CDH13: variants seen among roughly 807,000 people sequenced by gnomAD.
The protein encoded by CDH13 is cadherin 13, also known as cadherin-13.
Under a neutral mutation model 63.8 loss-of-function variants are expected in CDH13, and 24 were observed. That is an observed-to-expected ratio of 0.38 (90% CI 0.27 to 0.53). The LOEUF is 0.53. CDH13 is among the 20% of genes least tolerant of loss of function. CDH13 has a pLI of 0.85. For synonymous variants in CDH13, 503 were observed against 355.3 expected (o/e 1.42, Z -4.67); for missense variants, 1,049 against 903.1 (o/e 1.16, Z -2.07).
intron 7 of CDH13, among the ~76,000 whole-genome samples, chr16:83,503,160 A>T (rs2074322100): frequency 6.6e-6 from 1 of 152,238 alleles, no homozygotes; most frequent in Admixed American, 6.5e-5. Flanking sequence ...GTATAAAGTG[A>T]GGCCTTGAAT....
intron 10 of CDH13, among the ~76,000 whole-genome samples, chr16:83,708,456 C>T (rs988766268): frequency 6.6e-6 from 1 of 152,188 alleles, no homozygotes; most frequent in African/African-American, 2.4e-5. Flanking sequence ...GGCTTACTCA[C>T]CCCTCAGCAT....
intron 8 of CDH13, among the ~76,000 whole-genome samples, chr16:83,645,348 G>A (rs1362900422): frequency 7.9e-5 from 12 of 152,124 alleles, no homozygotes; most frequent in Admixed American, 7.9e-4. Flanking sequence ...TAAGCAATGG[G>A]TACACATGAA....
intron 10 of CDH13, among the ~76,000 whole-genome samples, chr16:83,688,148 C>T (rs2089831987): frequency 6.6e-6 from 1 of 152,140 alleles, no homozygotes; most frequent in East Asian, 1.9e-4. Context: ...TTCTTTAACA[C>T]CTTGTTTAAT....
At chr16:83,086,422 A>T (rs187277094) in intron 3 of CDH13, among the ~76,000 whole-genome samples, 35 of 152,278 alleles carry the variant, frequency 2.3e-4, no homozygotes, top group African/African-American at 7.9e-4. Flanking sequence ...TGGAGTTCTA[A>T]TTAAGACTCA....
intron 1 of CDH13, among the ~76,000 whole-genome samples, chr16:82,673,332 C>G (rs746402448): frequency 3.3e-5 from 5 of 152,186 alleles, no homozygotes; most frequent in Non-Finnish European, 7.3e-5. Flanking sequence ...GAGGTTCACA[C>G]TCAGTCAAGG....
At chr16:82,807,865 A>T (rs573608010) in intron 1 of CDH13, among the ~76,000 whole-genome samples, 2 of 152,218 alleles carry the variant, frequency 1.3e-5, no homozygotes, top group East Asian at 3.8e-4. Flanking sequence ...AGGCTCTTCC[A>T]TACTTAAGAC....
chr16:83,391,607 G>A (rs73597951), intron 6 of CDH13, among the ~76,000 whole-genome samples: 62,973 of 151,836 alleles, frequency 0.41, 14,642 homozygotes, highest in African/African-American at 0.66. Flanking sequence ...ATACTCTGGC[G>A]CAACCCCCCT....
At chr16:83,499,053 G>A (rs1567714151) in intron 7 of CDH13, among the ~76,000 whole-genome samples, 2 of 152,332 alleles carry the variant, frequency 1.3e-5, no homozygotes, top group South Asian at 4.1e-4. Context: ...AGTTTCTTGT[G>A]ATCAAATACG....
chr16:83,745,268 G>A (rs550887958), intron 10 of CDH13, among the ~76,000 whole-genome samples: 27 of 152,288 alleles, frequency 1.8e-4, no homozygotes, highest in Middle Eastern at 3.4e-3. Context: ...CTCTCCTGGC[G>A]TCCTTCTGCA....
At chr16:83,062,518 G>T (rs891909346) in intron 3 of CDH13, among the ~76,000 whole-genome samples, 5 of 152,114 alleles carry the variant, frequency 3.3e-5, no homozygotes, top group Admixed American at 1.3e-4. Flanking sequence ...TGGTCCCAGG[G>T]ATCATGAGAT....
At chr16:83,360,691 T>C (rs1267845302) in intron 6 of CDH13, among the ~76,000 whole-genome samples, 1 of 152,168 alleles carries the variant, frequency 6.6e-6, no homozygotes, top group Non-Finnish European at 1.5e-5. Context: ...CTCCCACTTA[T>C]AAGTGAGAAT....
chr16:83,683,885 C>T (rs1401305177), intron 10 of CDH13, among the ~76,000 whole-genome samples: 2 of 152,174 alleles, frequency 1.3e-5, no homozygotes, highest in African/African-American at 4.8e-5. Flanking sequence ...TTCTCCTCTC[C>T]AAGATCATGT....
intron 3 of CDH13, among the ~76,000 whole-genome samples, chr16:83,102,256 C>T (rs1355715358): frequency 6.6e-6 from 1 of 152,144 alleles, no homozygotes; most frequent in Non-Finnish European, 1.5e-5. Context: ...GACATTCGAC[C>T]CCAGAAATGT....
At chr16:82,727,592 A>G (rs1385397978) in intron 1 of CDH13, 1 of 152,220 alleles carries the variant, frequency 6.6e-6, no homozygotes, top group Non-Finnish European at 1.5e-5. Context: ...CATCCCATTT[A>G]GAACATGGTG....
chr16:83,154,999 A>G (rs1011873022), intron 4 of CDH13, among the ~76,000 whole-genome samples: 1 of 152,240 alleles, frequency 6.6e-6, no homozygotes, highest in African/African-American at 2.4e-5. Flanking sequence ...ACCTAGGTCA[A>G]TTATTTCATT....
At chr16:83,289,938 A>G (rs1298989244) in intron 5 of CDH13, among the ~76,000 whole-genome samples, 1 of 152,206 alleles carries the variant, frequency 6.6e-6, no homozygotes, top group Non-Finnish European at 1.5e-5. Context: ...CACCCAGATT[A>G]AGAAGCAGAA....
At chr16:83,536,944 T>C (rs976811459) in intron 7 of CDH13, among the ~76,000 whole-genome samples, 1 of 152,202 alleles carries the variant, frequency 6.6e-6, no homozygotes, top group Non-Finnish European at 1.5e-5. Flanking sequence ...TGGAGGTAAC[T>C]CATGCCACAG....
Position 83,721,730 on chromosome 16 carries a change from G to T in CDH13, c.1539-26378G>T, listed in dbSNP as rs553456093. 1.3e-3 allele frequency: 196 copies of T among 152,386 alleles called. 1 individual carries two copies. The highest frequency in any genetic ancestry group is 4.3e-3 in the African/African-American group (179 of 41,586). 9.4% of individuals were successfully genotyped at this position (152,386 alleles called of 1,614,324 possible). On this transcript the variant is annotated intron_variant, in intron 10 of 13. Transcript: ENST00000567109. ...CCTGGCGAATGGTCCAGATAGGAAT[G>T]CTGTAGAAGCTCCAGGGAGGAAGAG...
chr16:82,934,714 C>T (rs949149389), intron 2 of CDH13, among the ~76,000 whole-genome samples: 1 of 152,164 alleles, frequency 6.6e-6, no homozygotes, highest in Non-Finnish European at 1.5e-5. Context: ...GTTTAAGTTC[C>T]ACAGATCTCT....
Sources: gnomAD v4.1 joint callset for allele counts (sites outside exome capture counted in the v4.1 genomes callset) on GRCh38, gnomAD v4.1.1 for gene constraint, MANE v1.5 for transcripts, NCBI Gene and HGNC (gene_info 2026-07-23, HGNC 2026-07-21) for gene names.